APC: variants seen among roughly 807,000 people sequenced by gnomAD.
The protein encoded by APC is adenomatous polyposis coli protein.
A neutral mutation model predicts 247.0 loss-of-function variants in APC; 72 were observed. The observed-to-expected ratio is 0.29, with a 90% CI of 0.24 to 0.35. The LOEUF is 0.35. Among genes scored for constraint, APC ranks in the 10% least tolerant of loss-of-function variants. APC has a pLI of 1.00. For synonymous variants in APC, 1,254 were observed against 1,162.5 expected (o/e 1.08, Z -1.60); for missense variants, 3,400 against 3,360.7 (o/e 1.01, Z -0.29).
intron 9 of APC, among the ~76,000 whole-genome samples, chr5:112,815,852 T>A (rs566542092): frequency 3.9e-5 from 6 of 152,172 alleles, no homozygotes; most frequent in Admixed American, 3.9e-4. Flanking sequence ...ATGAGAATAG[T>A]TGGAACCCAG....
rs537278757 is a variant in APC at position 112,824,227 on chromosome 5, G to A, written c.1408+2236G>A. On this transcript the variant is annotated intron_variant, in intron 11 of 15. Coordinates refer to ENST00000257430, the MANE Select transcript of APC (RefSeq NM_000038.6). ...AACAGGCACCAAGAAAATTGTAGAA[G>A]GACATGTTCATCATCTTTGCATTAC... Among the ~76,000 whole-genome samples, 3 of 152,196 alleles carry A rather than the reference G, an allele frequency of 2.0e-5. No individual in the cohort carries two copies. The South Asian group carries it at 6.2e-4, about 32-fold the overall frequency.
At chr5:112,824,743 A>T (rs1169616139) in intron 11 of APC, among the ~76,000 whole-genome samples, 1 of 103,522 alleles carries the variant, frequency 9.7e-6, no homozygotes, top group African/African-American at 3.4e-5. Context: ...CATCTTGGGG[A>T]TCTCATTAGT....
intron 5 of APC, among the ~76,000 whole-genome samples, chr5:112,776,401 G>C (rs1253940644): frequency 6.6e-6 from 1 of 152,202 alleles, no homozygotes; most frequent in Non-Finnish European, 1.5e-5. Flanking sequence ...TTAGATTACA[G>C]AAGTTTGTTC....
chr5:112,767,454 T>C, intron 4 of APC, 64 bp downstream of exon 4: 1 of 1,317,858 alleles, frequency 7.6e-7, no homozygotes, highest in Admixed American at 1.8e-5. Context: ...TTTTGTAATA[T>C]AATATTTAAA....
At chr5:112,725,363 C>T (rs1211806440) in intron 1 of APC, among the ~76,000 whole-genome samples, 4 of 152,140 alleles carry the variant, frequency 2.6e-5, no homozygotes, top group African/African-American at 9.7e-5. Flanking sequence ...GAGTGCCACT[C>T]GGTTCTGTTC....
At chr5:112,738,269 G>A in intron 1 of APC, 5 of 984,996 alleles carry the variant, frequency 5.1e-6, no homozygotes, top group Non-Finnish European at 6.0e-6. Context: ...AACGGGTAGA[G>A]GACAACAAAG....
chr5:112,775,133 T>G (rs903902831), intron 4 of APC, among the ~76,000 whole-genome samples: 4 of 152,170 alleles, frequency 2.6e-5, no homozygotes, highest in Non-Finnish European at 5.9e-5. Flanking sequence ...CCGTCATAAC[T>G]TCCTCTTATT....
intron 4 of APC, among the ~76,000 whole-genome samples, chr5:112,771,552 T>G (rs1255873470): frequency 6.6e-6 from 1 of 152,182 alleles, no homozygotes; most frequent in Non-Finnish European, 1.5e-5. Context: ...TAGGTTTAGG[T>G]TCAAACTCAT....
At chr5:112,800,603 C>T (rs1760713669) in intron 7 of APC, among the ~76,000 whole-genome samples, 2 of 151,868 alleles carry the variant, frequency 1.3e-5, no homozygotes, top group African/African-American at 4.8e-5. Flanking sequence ...CTATAAATGA[C>T]CGTGAGAAAT....
At chr5:112,754,095 C>G (rs1042803660) in intron 1 of APC, among the ~76,000 whole-genome samples, 1 of 152,204 alleles carries the variant, frequency 6.6e-6, no homozygotes, top group Non-Finnish European at 1.5e-5. Context: ...TGCTTCATTT[C>G]TCTTTGACAG....
At chr5:112,793,279 C>T (rs187693154) in intron 7 of APC, among the ~76,000 whole-genome samples, 1 of 152,074 alleles carries the variant, frequency 6.6e-6, no homozygotes, top group East Asian at 1.9e-4. Context: ...TTTAATTGAA[C>T]GTGAGGGTAT....
chr5:112,782,227 T>C (rs1379538788), intron 6 of APC, among the ~76,000 whole-genome samples: 4 of 152,120 alleles, frequency 2.6e-5, no homozygotes, highest in Non-Finnish European at 4.4e-5. Flanking sequence ...ACTCCCATTT[T>C]TAAAACCATC....
chr5:112,807,030 G>A (rs1422085012), intron 8 of APC, among the ~76,000 whole-genome samples: 3 of 152,010 alleles, frequency 2.0e-5, no homozygotes, highest in Non-Finnish European at 4.4e-5. Flanking sequence ...CTACTTGGGA[G>A]GCTGAGGCAG....
At position 112,840,308 on chromosome 5, in the gene APC, A is replaced by T. The variant is rs750107668; in HGVS notation, c.4714A>T (p.Ile1572Phe). The T allele has an allele frequency of 3.1e-6, 5 of 1,614,090 alleles. No individual in the cohort carries two copies. The African/African-American group carries it at 6.7e-5, about 22-fold the overall frequency. Residue 1572 changes from isoleucine to phenylalanine, a missense_variant, in exon 16 of 16, where the codon ATT (isoleucine) becomes TTT (phenylalanine). Physicochemically the swap from Ile to Phe is conservative, Grantham distance 21. Coordinates refer to ENST00000257430, the MANE Select transcript of APC (RefSeq NM_000038.6). This position sits in a 1 kb window ranked among gnomAD's most constrained non-coding sequence, Gnocchi z 4.1. ...DLLDDSDDDD[I>F]EILEECIISA... ...ATTAGATGATTCAGATGATGATGATATTGAAATACTAGAAGAATGTATTAT... is the reference window on the plus strand; with the variant it reads ...ATTAGATGATTCAGATGATGATGATTTTGAAATACTAGAAGAATGTATTAT...
intron 1 of APC, among the ~76,000 whole-genome samples, chr5:112,725,756 C>A (rs185466682): frequency 1.3e-5 from 2 of 152,142 alleles, no homozygotes; most frequent in East Asian, 3.9e-4. Context: ...GAGACCCTAT[C>A]TCAAAAAAAC....
At chr5:112,836,054 A>C (rs1159243974) in intron 15 of APC, among the ~76,000 whole-genome samples, 3 of 100,802 alleles carry the variant, frequency 3.0e-5, no homozygotes, top group Admixed American at 2.6e-4. Context: ...GGAGTCTTGC[A>C]CTCTTGCCCG....
At chr5:112,727,081 A>T (rs1751828918) in intron 1 of APC, among the ~76,000 whole-genome samples, 1 of 151,846 alleles carries the variant, frequency 6.6e-6, no homozygotes, top group South Asian at 2.1e-4. Context: ...ATTGAAAGTA[A>T]TGGTAAAAAC....
Position 112,838,919 on chromosome 5 carries a change from G to T in APC, c.3325G>T (p.Gly1109Cys), listed in dbSNP as rs587778040. 3.1e-6 allele frequency: 5 copies of T among 1,614,092 alleles called. No individual in the cohort carries two copies. The highest frequency in any genetic ancestry group is 4.2e-6 in the Non-Finnish European group (5 of 1,180,024). ...VSPYRSRGAN[G>C]SETNRVGSNH... ...TCCATACAGGTCACGGGGAGCCAATGGTTCAGAAACAAATCGAGTGGGTTC... is the reference window on the plus strand; with the variant it reads ...TCCATACAGGTCACGGGGAGCCAATTGTTCAGAAACAAATCGAGTGGGTTC... The change falls in exon 16 of 16, where the codon GGT becomes TGT. Residue 1109 changes from glycine to cysteine, a missense_variant. By Grantham distance (159) the Gly-to-Cys change is radical. This residue lies in a region of APC where 715 missense variants were observed against 656.6 expected (regional missense o/e 1.09). Coordinates refer to ENST00000257430, the MANE Select transcript of APC (RefSeq NM_000038.6).
At chr5:112,742,377 G>A (rs540044729) in intron 1 of APC, among the ~76,000 whole-genome samples, 2 of 152,180 alleles carry the variant, frequency 1.3e-5, no homozygotes, top group Non-Finnish European at 2.9e-5. Context: ...ATGTATTTCT[G>A]TATAACAAAT....
Sources: allele counts gnomAD v4.1 joint callset (sites outside exome capture counted in the v4.1 genomes callset), GRCh38; gene constraint gnomAD v4.1.1; regional missense constraint gnomAD v4.1.1; non-coding constraint Gnocchi (gnomAD v3.1); transcripts MANE v1.5; gene names NCBI Gene and HGNC (gene_info 2026-07-23, HGNC 2026-07-21).